Variants in ZFYVE21 observed in about 807,000 individuals in gnomAD.
The protein encoded by ZFYVE21 is zinc finger FYVE-type containing 21, also known as zinc finger FYVE domain-containing protein 21.
In ZFYVE21, 21 loss-of-function variants were observed where a neutral mutation model predicts 29.5. The ratio of observed to expected loss-of-function variants is 0.71; its 90% CI spans 0.50 to 1.02. The LOEUF (loss-of-function observed/expected upper bound fraction) is 1.02, where lower values mean the gene tolerates loss of function less well. Among genes scored for constraint, ZFYVE21 ranks in the 50% least tolerant of loss-of-function variants. The probability of loss-of-function intolerance (pLI) is 0.00; values close to 1 mark genes in which losing one functional copy is unlikely to be tolerated. For missense variants in ZFYVE21, 326 were observed against 335.4 expected, an observed-to-expected ratio of 0.97 and a Z score of 0.22; for synonymous variants, 151 against 133.8, an observed-to-expected ratio of 1.13 and a Z score of -0.89.
chr14:103,729,811 A>G lies in ZFYVE21; in HGVS notation c.526+629A>G, dbSNP rs955100779. Reference sequence around the variant, plus strand: ...GCCATAGAAAAAGACATTCACGCTTACACCAGCCTCCGGGGGAGCCAGCCT... The same window carrying G: ...GCCATAGAAAAAGACATTCACGCTTGCACCAGCCTCCGGGGGAGCCAGCCT... On this transcript the variant is annotated intron_variant, in intron 5 of 6. Coordinates refer to ENST00000311141, the MANE Select transcript of ZFYVE21 (RefSeq NM_024071.4). The G allele has an allele frequency of 2.6e-6, 4 of 1,536,166 alleles. No individual in the cohort carries two copies. The East Asian group carries it at 7.3e-5, about 28-fold the overall frequency.
intron 1 of ZFYVE21, chr14:103,724,369 G>A (rs2083900435): frequency 6.6e-6 from 1 of 152,284 alleles, no homozygotes; most frequent in Non-Finnish European, 1.5e-5. Context: ...TCAGCTGCTT[G>A]TCGGTGCCAG....
intron 6 of ZFYVE21, 110 bp downstream of exon 6, chr14:103,732,872 TC>T: frequency 1.2e-6 from 2 of 1,601,914 alleles, no homozygotes; most frequent in East Asian, 2.2e-5. Context: ...CACAACCTGT[TC>T]CCCCTCAGCT....
At position 103,727,413 on chromosome 14, in the gene ZFYVE21, T is replaced by C. The variant is rs74085278; in HGVS notation, c.190-333T>C. 906 of 402,340 alleles carry C rather than the reference T, an allele frequency of 2.3e-3. 6 individuals are homozygous for C. Among genetic ancestry groups the C allele is most frequent in the African/African-American group, 0.018 (852 of 46,852 alleles). 24.9% of individuals were successfully genotyped at this position (402,340 alleles called of 1,614,324 possible). A position where few individuals can be genotyped will look rare whatever the true frequency, so the allele number is the denominator to read the frequency against. On this transcript the variant is annotated intron_variant, in intron 2 of 6. Coordinates refer to ENST00000311141, the MANE Select transcript of ZFYVE21 (RefSeq NM_024071.4). Reference sequence around the variant, plus strand: ...CCGTCCCCGTGCCGCTTTGCCCTCGTGAAGTGTCTTGCCCCTAATGTGTGC... The same window carrying C: ...CCGTCCCCGTGCCGCTTTGCCCTCGCGAAGTGTCTTGCCCCTAATGTGTGC...
At position 103,730,008 on chromosome 14, in the gene ZFYVE21, G is replaced by C; in HGVS notation, c.526+826G>C. On this transcript the variant is annotated intron_variant, in intron 5 of 6. Transcript: ENST00000311141. Reference sequence around the variant, plus strand: ...AAGAGAGATGTTGGATCTGATAAGTGGGTTTATAAAGCATAAATGAAGATA... The same window carrying C: ...AAGAGAGATGTTGGATCTGATAAGTCGGTTTATAAAGCATAAATGAAGATA... 5.1e-6 allele frequency: 4 copies of C among 788,266 alleles called. No homozygotes were observed. The East Asian group carries it at 1.1e-4, about 22-fold the overall frequency. The allele number at this position is 788,266 out of a possible 1,614,324, so 48.8% of individuals were successfully genotyped here.
chr14:103,728,220 C>T (rs918840317), intron 3 of ZFYVE21: 12 of 307,696 alleles, frequency 3.9e-5, no homozygotes, highest in Admixed American at 1.4e-4. Context: ...CGCCGGCGCT[C>T]GGGCGTTTGC....
intron 1 of ZFYVE21, among the ~76,000 whole-genome samples, chr14:103,722,956 G>A (rs77275237): frequency 0.038 from 5,823 of 152,258 alleles, 115 homozygotes; most frequent in Middle Eastern, 0.048. Context: ...GCAGTGTGGT[G>A]TTATATTTAG....
At chr14:103,722,597 A>G (rs1324609070) in intron 1 of ZFYVE21, among the ~76,000 whole-genome samples, 1 of 152,082 alleles carries the variant, frequency 6.6e-6, no homozygotes, top group African/African-American at 2.4e-5. Flanking sequence ...ATGCAGGCAG[A>G]TCACAAGGTC....
chr14:103,718,909 T>C (rs1214161553), intron 1 of ZFYVE21, among the ~76,000 whole-genome samples: 1 of 152,110 alleles, frequency 6.6e-6, no homozygotes, highest in African/African-American at 2.4e-5. Flanking sequence ...TGAGGAGAGA[T>C]CTGAAGTGAG....
Position 103,733,161 on chromosome 14 carries a change from G to A in ZFYVE21, c.*143G>A, listed in dbSNP as rs1231014914. The A allele has an allele frequency of 1.0e-5, 10 of 987,300 alleles. No individual in the cohort carries two copies. The highest frequency in any genetic ancestry group is 2.2e-5 in the Admixed American group (1 of 44,680). 61.2% of individuals were successfully genotyped at this position (987,300 alleles called of 1,614,324 possible). A position where few individuals can be genotyped will look rare whatever the true frequency, so the allele number is the denominator to read the frequency against. On this transcript the variant is annotated 3_prime_UTR_variant, in exon 7 of 7. Coordinates refer to ENST00000311141, the MANE Select transcript of ZFYVE21 (RefSeq NM_024071.4). ...CTCACTCATGTATTTGGAGAAACAG[G>A]AGTGTTCACTTATCTAGTGCAATAT...
In ZFYVE21 at chr14:103,715,969, C is replaced by A. The variant is rs1162601638; in HGVS notation, c.128C>A (p.Pro43Gln). 7.4e-7 allele frequency: 1 copy of A among 1,349,384 alleles called. No homozygotes were observed. 83.6% of individuals were successfully genotyped at this position (1,349,384 alleles called of 1,614,324 possible). A position where few individuals can be genotyped will look rare whatever the true frequency, so the allele number is the denominator to read the frequency against. The change falls in exon 1 of 7, where the codon CCG (proline) becomes CAG (glutamine). Residue 43 changes from proline (P) to glutamine (Q), a missense_variant. Coordinates refer to ENST00000311141, the MANE Select transcript of ZFYVE21 (RefSeq NM_024071.4). Reference protein sequence around the residue: ...PFGLEEPQWVPDKECRRCMQC... With the variant: ...PFGLEEPQWVQDKECRRCMQC... ...GGCCTGGAGGAGCCGCAGTGGGTCCCGGACAAGGAGGTGGGTGGCCGTCGC... is the reference window on the plus strand; with the variant it reads ...GGCCTGGAGGAGCCGCAGTGGGTCCAGGACAAGGAGGTGGGTGGCCGTCGC...
chr14:103,717,232 C>G (rs1259321632), intron 1 of ZFYVE21, among the ~76,000 whole-genome samples: 1 of 152,186 alleles, frequency 6.6e-6, no homozygotes, highest in Non-Finnish European at 1.5e-5. Context: ...CCCAGTATCG[C>G]CACCATGAGG....
At chr14:103,732,422 C>T (rs1353329836) in intron 5 of ZFYVE21, 198 bp from the exon 6 acceptor site, 4 of 543,278 alleles carry the variant, frequency 7.4e-6, no homozygotes, top group African/African-American at 2.0e-5. Context: ...TCTCCCACCC[C>T]ACCTGTGAGC....
chr14:103,728,902 C>T lies in ZFYVE21; in HGVS notation c.359-6C>T, dbSNP rs1464515062. On this transcript the variant is annotated splice_polypyrimidine_tract_variant and splice_region_variant and intron_variant, in intron 3 of 6. Coordinates refer to ENST00000311141, the MANE Select transcript of ZFYVE21 (RefSeq NM_024071.4). ...CTGTTCTCACGTTTGCTTTTGTGTT[C>T]CCAAGGAGCCACCTTCCTCGTCACG... The T allele has an allele frequency of 6.2e-7, 1 of 1,613,888 alleles. No individual in the cohort carries two copies. The highest frequency in any genetic ancestry group is 2.2e-5 in the East Asian group (1 of 44,862).
intron 1 of ZFYVE21, among the ~76,000 whole-genome samples, chr14:103,724,071 G>A (rs2151951605): frequency 6.6e-6 from 1 of 152,328 alleles, no homozygotes; most frequent in East Asian, 1.9e-4. Flanking sequence ...CCATGCCTAT[G>A]AGGGAGAGGA....
chr14:103,732,527 G>A, intron 5 of ZFYVE21, 93 bp from the exon 6 acceptor site: 2 of 1,445,556 alleles, frequency 1.4e-6, no homozygotes, highest in Admixed American at 2.5e-5. Context: ...AGCAGCACAA[G>A]GTTAGGATGT....
chr14:103,718,795 G>C (rs536842120), intron 1 of ZFYVE21, among the ~76,000 whole-genome samples: 1 of 152,334 alleles, frequency 6.6e-6, no homozygotes, highest in East Asian at 1.9e-4. Context: ...GCAGAAGAAT[G>C]ACCGCAGCTC....
At chr14:103,722,411 A>G (rs1040453320) in intron 1 of ZFYVE21, among the ~76,000 whole-genome samples, 4 of 142,208 alleles carry the variant, frequency 2.8e-5, no homozygotes, top group African/African-American at 5.2e-5. Flanking sequence ...CTGGAGTGCA[A>G]TGGCATGAAC....
At chr14:103,722,328 C>T (rs2083880038) in intron 1 of ZFYVE21, among the ~76,000 whole-genome samples, 1 of 147,766 alleles carries the variant, frequency 6.8e-6, no homozygotes, top group South Asian at 2.2e-4. Context: ...TTTAAGGGGG[C>T]AAATCCTAGG....
At chr14:103,719,093 C>G (rs1382681550) in intron 1 of ZFYVE21, among the ~76,000 whole-genome samples, 7 of 152,010 alleles carry the variant, frequency 4.6e-5, no homozygotes, top group African/African-American at 1.7e-4. Flanking sequence ...GTCAGGACCT[C>G]CAGCAGATCA....
Sources: gnomAD v4.1 joint callset for allele counts (sites outside exome capture counted in the v4.1 genomes callset) on GRCh38, gnomAD v4.1.1 for gene constraint, MANE v1.5 for transcripts, NCBI Gene and HGNC (gene_info 2026-07-23, HGNC 2026-07-21) for gene names.